The following PTPRA variants were observed in gnomAD, a reference collection of about 807,000 sequenced individuals.
PTPRA encodes receptor-type tyrosine-protein phosphatase alpha.
Under a neutral mutation model 104.8 loss-of-function variants are expected in PTPRA, and 25 were observed. The observed-to-expected ratio is 0.24, with a 90% CI of 0.17 to 0.33. The LOEUF is 0.33. Ranked by LOEUF, PTPRA falls within the 10% of genes least tolerant of loss-of-function variation. The pLI is 1.00. For synonymous variants in PTPRA, 323 were observed against 368.9 expected (o/e 0.88, Z 1.43); for missense variants, 765 against 1,015.3 (o/e 0.75, Z 3.35).
At chr20:2,948,822 G>T (rs6084210) in intron 3 of PTPRA, among the ~76,000 whole-genome samples, 79,772 of 151,414 alleles carry the variant, frequency 0.53, 23,042 homozygotes, top group African/African-American at 0.78. Flanking sequence ...CGTGGTGGCG[G>T]GCACCTGTAG....
chr20:2,948,056 C>G (rs867539712), intron 3 of PTPRA, 32 bp downstream of exon 3: 1 of 990,906 alleles, frequency 1.0e-6, no homozygotes, highest in Non-Finnish European at 1.4e-6. Context: ...TAAGTTTTTT[C>G]TACAAGAATA....
At chr20:2,925,186 T>G (rs1335520765) in intron 2 of PTPRA, among the ~76,000 whole-genome samples, 1 of 152,092 alleles carries the variant, frequency 6.6e-6, no homozygotes, top group East Asian at 1.9e-4. Flanking sequence ...AAACACTAAC[T>G]CCCCATTTCC....
At chr20:2,897,713 A>C (rs2059065299) in intron 1 of PTPRA, among the ~76,000 whole-genome samples, 1 of 151,908 alleles carries the variant, frequency 6.6e-6, no homozygotes, top group South Asian at 2.1e-4. Context: ...CACTCTAAGG[A>C]AAAGCTTTCT....
chr20:2,883,670 A>G lies in PTPRA; in HGVS notation c.-129+9910A>G, dbSNP rs1331631268. The stretch of plus-strand genomic sequence containing the variant: ...CCGTCTCAAAAAAAAAAAAAAAAAA[A>G]AAAAAAAAGAAAGAAATGTGCAATG... On this transcript the variant is annotated intron_variant, in intron 1 of 23. Transcript: ENST00000399903. Among the ~76,000 whole-genome samples, 5 of 22,706 alleles carry G rather than the reference A, an allele frequency of 2.2e-4. No individual in the cohort carries two copies. The Admixed American group carries it at 2.7e-3, about 12-fold the overall frequency. The allele number at this position is 22,706 out of a possible 152,430, so 14.9% of individuals were successfully genotyped here.
chr20:2,986,054 G>A lies in PTPRA; in HGVS notation c.443-711G>A, dbSNP rs138178661. Among the ~76,000 whole-genome samples, 17 of 152,136 alleles carry A rather than the reference G, an allele frequency of 1.1e-4. No homozygotes were observed. In the East Asian group the frequency reaches 2.3e-3, roughly 21 times the overall value. On this transcript the variant is annotated intron_variant, in intron 6 of 23. Transcript: ENST00000399903. ...CTCCTGAGTAGCTGGGACTATAGGC[G>A]CACATCACCACACCGGCTATTTTTT...
intron 2 of PTPRA, among the ~76,000 whole-genome samples, chr20:2,944,770 T>A (rs911643752): frequency 2.6e-5 from 4 of 152,152 alleles, no homozygotes; most frequent in East Asian, 1.9e-4. Context: ...CTTAAAAAAA[T>A]TGTTTTTAAA....
chr20:2,910,589 G>GTTTTTTTTTTTTTTTTTTTA (rs1423909050), intron 1 of PTPRA, among the ~76,000 whole-genome samples: 1 of 57,986 alleles, frequency 1.7e-5, no homozygotes, highest in African/African-American at 7.9e-5. Context: ...TTTTTTTTTT[G>GTTTTTTTTTTTTTTTTTTTA]TTTTTTTTTT....
intron 2 of PTPRA, among the ~76,000 whole-genome samples, chr20:2,934,395 G>A (rs191411798): frequency 1.3e-5 from 2 of 152,118 alleles, no homozygotes; most frequent in East Asian, 1.9e-4. Flanking sequence ...ATGAGCCACC[G>A]GGTATTTTTT....
chr20:2,968,083 T>TTGC (rs1337791193), intron 5 of PTPRA, among the ~76,000 whole-genome samples: 6 of 152,232 alleles, frequency 3.9e-5, no homozygotes, highest in African/African-American at 1.4e-4. Flanking sequence ...GGAATTCCCC[T>TTGC]TGCTGCTGCT....
At chr20:2,940,817 G>A (rs2060885035) in intron 2 of PTPRA, among the ~76,000 whole-genome samples, 1 of 152,236 alleles carries the variant, frequency 6.6e-6, no homozygotes, top group Admixed American at 6.5e-5. Context: ...AGTAGTTGAA[G>A]CAGAGACTTA....
At chr20:2,975,739 C>T (rs192761119) in intron 6 of PTPRA, among the ~76,000 whole-genome samples, 69 of 152,184 alleles carry the variant, frequency 4.5e-4, no homozygotes, top group Non-Finnish European at 8.4e-4. Context: ...ACTGCTGAGT[C>T]CCTGGTCACT....
At chr20:2,934,301 A>C (rs769091610) in intron 2 of PTPRA, among the ~76,000 whole-genome samples, 1 of 151,820 alleles carries the variant, frequency 6.6e-6, no homozygotes, top group Non-Finnish European at 1.5e-5. Flanking sequence ...ACTATATTTC[A>C]CCATGTTGCT....
At position 3,038,292 on chromosome 20, in the gene PTPRA, G is replaced by A. The variant is rs1026038105; in HGVS notation, c.*159G>A. On this transcript the variant is annotated 3_prime_UTR_variant, in exon 24 of 24. Coordinates refer to ENST00000399903, the MANE Select transcript of PTPRA (RefSeq NM_001385305.1). ...TTAGGTGGAAATTTTATATGTAAAT[G>A]TGTTAGCACTGATAGTCCTTTTTCC... 4 of 613,106 alleles carry A rather than the reference G, an allele frequency of 6.5e-6. No individual in the cohort carries two copies. Among genetic ancestry groups the A allele is most frequent in the African/African-American group, 3.7e-5 (2 of 53,478 alleles). 38.0% of individuals were successfully genotyped at this position (613,106 alleles called of 1,614,324 possible).
At chr20:2,981,861 C>CTCTGTT (rs2148085052) in intron 6 of PTPRA, among the ~76,000 whole-genome samples, 1 of 152,276 alleles carries the variant, frequency 6.6e-6, no homozygotes, top group African/African-American at 2.4e-5. Context: ...GGCTCTTTGG[C>CTCTGTT]TCTGTTTGAT....
chr20:3,001,104 G>T (rs13037313), intron 9 of PTPRA, among the ~76,000 whole-genome samples: 61 of 152,176 alleles, frequency 4.0e-4, no homozygotes, highest in African/African-American at 1.4e-3. Flanking sequence ...ATGCCACCTA[G>T]TGTTTCTAGA....
chr20:2,911,236 G>A (rs2059712482), intron 1 of PTPRA, among the ~76,000 whole-genome samples: 2 of 152,110 alleles, frequency 1.3e-5, no homozygotes, highest in South Asian at 4.2e-4. Context: ...TGTTTCTAAT[G>A]ATGTTTGGCA....
At chr20:3,020,923 C>T (rs1219334189) in intron 13 of PTPRA, among the ~76,000 whole-genome samples, 1 of 152,250 alleles carries the variant, frequency 6.6e-6, no homozygotes, top group Admixed American at 6.5e-5. Context: ...CCTGGTGGCC[C>T]CCTCATAGCA....
At chr20:2,874,160 C>G (rs979065284) in intron 1 of PTPRA, among the ~76,000 whole-genome samples, 6 of 152,148 alleles carry the variant, frequency 3.9e-5, no homozygotes, top group Admixed American at 2.0e-4. Context: ...CAGTGACCAA[C>G]TTTTCTTTCC....
intron 3 of PTPRA, among the ~76,000 whole-genome samples, chr20:2,953,309 T>C (rs866135313): frequency 5.9e-5 from 9 of 152,050 alleles, no homozygotes; most frequent in Admixed American, 2.6e-4. Context: ...GGCTGAAGTG[T>C]AGTGGCGCAA....
Sources: allele counts gnomAD v4.1 joint callset (sites outside exome capture counted in the v4.1 genomes callset), GRCh38; gene constraint gnomAD v4.1.1; transcripts MANE v1.5; gene names NCBI Gene and HGNC (gene_info 2026-07-23, HGNC 2026-07-21).